MAPK10: variants seen among roughly 807,000 people sequenced by gnomAD.
The protein encoded by MAPK10 is JNK3 alpha protein kinase.
A neutral mutation model predicts 59.3 loss-of-function variants in MAPK10; 25 were observed. That is an observed-to-expected ratio of 0.42 (90% CI 0.31 to 0.59). The LOEUF (loss-of-function observed/expected upper bound fraction) is 0.59, where lower values mean the gene tolerates loss of function less well. Ranked by LOEUF, MAPK10 falls within the 20% of genes least tolerant of loss-of-function variation. The pLI, the probability that MAPK10 is intolerant of heterozygous loss-of-function variation, is 0.15. For synonymous variants in MAPK10, 190 were observed against 200.5 expected (o/e 0.95, Z 0.44); for missense variants, 351 against 568.9 (o/e 0.62, Z 3.90).
intron 3 of MAPK10, among the ~76,000 whole-genome samples, chr4:86,181,579 A>ATTGAT (rs928481696): frequency 6.6e-6 from 1 of 152,116 alleles, no homozygotes; most frequent in African/African-American, 2.4e-5. Context: ...ATGTTGAAAA[A>ATTGAT]TTGATTTGAT....
chr4:86,349,945 G>A (rs1378710373), intron 2 of MAPK10, among the ~76,000 whole-genome samples: 7 of 152,136 alleles, frequency 4.6e-5, no homozygotes, highest in African/African-American at 1.7e-4. Flanking sequence ...ACAGAGGTAG[G>A]AAACACCTGA....
chr4:86,329,469 A>G (rs1391320242), intron 2 of MAPK10, among the ~76,000 whole-genome samples: 1 of 152,188 alleles, frequency 6.6e-6, no homozygotes, highest in Non-Finnish European at 1.5e-5. Flanking sequence ...AATTTTATTT[A>G]AGGATGCAGC....
At chr4:86,182,229 C>G (rs1207054505) in intron 3 of MAPK10, among the ~76,000 whole-genome samples, 1 of 151,932 alleles carries the variant, frequency 6.6e-6, no homozygotes, top group Non-Finnish European at 1.5e-5. Flanking sequence ...GTAACTTCTT[C>G]AAAAAAGTCA....
chr4:86,256,954 G>T (rs1413901006), intron 2 of MAPK10, among the ~76,000 whole-genome samples: 1 of 138,960 alleles, frequency 7.2e-6, no homozygotes, highest in Non-Finnish European at 1.5e-5. Context: ...GGGTTTCACT[G>T]TGTTAGCCAG....
intron 2 of MAPK10, among the ~76,000 whole-genome samples, chr4:86,334,031 C>T (rs2096215604): frequency 6.6e-6 from 1 of 152,142 alleles, no homozygotes; most frequent in Non-Finnish European, 1.5e-5. Flanking sequence ...CCATAACCTC[C>T]AGCCCATGCC....
At chr4:86,424,180 T>A (rs1746957635) in intron 1 of MAPK10, among the ~76,000 whole-genome samples, 1 of 152,114 alleles carries the variant, frequency 6.6e-6, no homozygotes, top group Admixed American at 6.5e-5. Flanking sequence ...AGTCTTTTTT[T>A]TTCAAATCTT....
chr4:86,550,611 G>A (rs1432611055), intron 1 of MAPK10, among the ~76,000 whole-genome samples: 1 of 152,150 alleles, frequency 6.6e-6, no homozygotes, highest in African/African-American at 2.4e-5. Context: ...GCTGAGGCAG[G>A]AGAATCACTT....
At chr4:86,221,831 G>A (rs1221119191) in intron 2 of MAPK10, among the ~76,000 whole-genome samples, 2 of 152,180 alleles carry the variant, frequency 1.3e-5, no homozygotes, top group Admixed American at 1.3e-4. Context: ...AGTGTTGGAG[G>A]TGGGACTTGG....
chr4:86,133,168 G>A (rs2061320501), intron 4 of MAPK10, among the ~76,000 whole-genome samples: 1 of 152,144 alleles, frequency 6.6e-6, no homozygotes, highest in South Asian at 2.1e-4. Context: ...ACTGATCATA[G>A]TATGGAAGAT....
At chr4:86,546,549 C>T (rs1248230846) in intron 1 of MAPK10, among the ~76,000 whole-genome samples, 1 of 119,034 alleles carries the variant, frequency 8.4e-6, no homozygotes, top group East Asian at 2.4e-4. Flanking sequence ...AAGAGCGAAA[C>T]TCCTTCTAAA....
rs546940765 is a variant in MAPK10, at chr4:86,149,845, C to T, written c.236+9453G>A. ...GGGAGCCAGGATCTTAGAGTCTGCA[C>T]TCTAACCACGGCCTTTCACAGCCCT... On this transcript the variant is annotated intron_variant, in intron 4 of 13. Transcript: ENST00000641462. Among the ~76,000 whole-genome samples, 14 of 152,328 alleles carry T rather than the reference C, an allele frequency of 9.2e-5. No homozygotes were observed. In the South Asian group the frequency reaches 2.9e-3, roughly 32 times the overall value.
intron 4 of MAPK10, among the ~76,000 whole-genome samples, chr4:86,126,372 T>C (rs955343055): frequency 3.3e-5 from 5 of 152,100 alleles, no homozygotes; most frequent in South Asian, 2.1e-4. Flanking sequence ...TTGTCATCTA[T>C]TATGTTTTAT....
chr4:86,029,316 C>A (rs191998964), intron 12 of MAPK10, 42 bp from the exon 13 acceptor site: 1 of 1,247,544 alleles, frequency 8.0e-7, no homozygotes, highest in South Asian at 1.2e-5. Context: ...CAAATTTATC[C>A]TTCATCCACA....
At chr4:86,221,655 T>TTTG (rs2089638265) in intron 2 of MAPK10, among the ~76,000 whole-genome samples, 1 of 151,586 alleles carries the variant, frequency 6.6e-6, no homozygotes, top group Non-Finnish European at 1.5e-5. Flanking sequence ...CCTGGCTGAT[T>TTTG]TTTGTTTGTT....
intron 1 of MAPK10, among the ~76,000 whole-genome samples, chr4:86,401,874 C>T (rs896014519): frequency 2.0e-5 from 3 of 152,034 alleles, no homozygotes; most frequent in Non-Finnish European, 2.9e-5. Context: ...AGGTCCATAA[C>T]CCTAGTATTG....
At chr4:86,095,647 G>A (rs945300876) in intron 9 of MAPK10, 5 of 151,754 alleles carry the variant, frequency 3.3e-5, no homozygotes, top group Non-Finnish European at 7.4e-5. Flanking sequence ...ACTTGAATCA[G>A]CCCTCAGCCT....
chr4:86,302,256 G>A (rs941406073), intron 2 of MAPK10, among the ~76,000 whole-genome samples: 1 of 152,210 alleles, frequency 6.6e-6, no homozygotes, highest in African/African-American at 2.4e-5. Flanking sequence ...GTTAGAGAAT[G>A]TAACCAATTA....
At chr4:86,481,241 G>C (rs1753583955) in intron 1 of MAPK10, among the ~76,000 whole-genome samples, 1 of 152,106 alleles carries the variant, frequency 6.6e-6, no homozygotes, top group Non-Finnish European at 1.5e-5. Context: ...TCTATGACTT[G>C]CTTGGGGGAG....
chr4:86,285,983 T>C (rs2094992602), intron 2 of MAPK10, among the ~76,000 whole-genome samples: 2 of 152,176 alleles, frequency 1.3e-5, no homozygotes, highest in African/African-American at 4.8e-5. Flanking sequence ...ATTGGATGAC[T>C]CCCACCCACA....
Sources: allele counts gnomAD v4.1 joint callset (sites outside exome capture counted in the v4.1 genomes callset), GRCh38; gene constraint gnomAD v4.1.1; transcripts MANE v1.5; gene names NCBI Gene and HGNC (gene_info 2026-07-23, HGNC 2026-07-21).